Variants in NTM observed in about 807,000 individuals in gnomAD.
The protein encoded by NTM is IgLON family member 2.
A neutral mutation model predicts 42.1 loss-of-function variants in NTM; 13 were observed. The ratio of observed to expected loss-of-function variants is 0.31; its 90% CI spans 0.20 to 0.49. NTM has a LOEUF of 0.49. NTM is among the 20% of genes least tolerant of loss of function. NTM has a pLI of 0.99. For synonymous variants in NTM, 187 were observed against 179.2 expected, an observed-to-expected ratio of 1.04 and a Z score of -0.35; for missense variants, 373 against 452.8, an observed-to-expected ratio of 0.82 and a Z score of 1.60.
At chr11:132,004,634 T>TCTCTCA (rs1296009968) in intron 2 of NTM, among the ~76,000 whole-genome samples, 162 of 104,630 alleles carry the variant, frequency 1.5e-3, no homozygotes, top group Middle Eastern at 5.6e-3. Context: ...TCTCTCTCTC[T>TCTCTCA]CACACACACA....
chr11:131,789,487 GAAGAGGAAA>G (rs1565550778), intron 1 of NTM, among the ~76,000 whole-genome samples: 23 of 8,490 alleles, frequency 2.7e-3, no homozygotes, highest in East Asian at 7.7e-3. Context: ...AGAAGAAGAA[GAAGAGGAAA>G]GAAGAAGAAG....
intron 1 of NTM, among the ~76,000 whole-genome samples, chr11:131,730,216 C>T (rs975336430): frequency 6.6e-6 from 1 of 152,246 alleles, no homozygotes; most frequent in South Asian, 2.1e-4. Context: ...CATATGCTTA[C>T]CAGCCATTTG....
intron 2 of NTM, among the ~76,000 whole-genome samples, chr11:132,114,724 A>C (rs1436759740): frequency 6.6e-6 from 1 of 152,212 alleles, no homozygotes; most frequent in African/African-American, 2.4e-5. Context: ...TAGCCTCTTT[A>C]AGATGAGGAA....
At chr11:131,555,272 A>T (rs1386364397) in intron 1 of NTM, among the ~76,000 whole-genome samples, 1 of 152,246 alleles carries the variant, frequency 6.6e-6, no homozygotes, top group African/African-American at 2.4e-5. Flanking sequence ...CTGTGGCAAG[A>T]TATATTTATA....
intron 1 of NTM, among the ~76,000 whole-genome samples, chr11:131,651,972 A>G (rs1043311755): frequency 6.6e-6 from 1 of 152,134 alleles, no homozygotes; most frequent in African/African-American, 2.4e-5. Context: ...ACAGGCCCAA[A>G]CAGCCTGAGG....
chr11:131,899,263 G>T (rs1198273913), intron 1 of NTM, among the ~76,000 whole-genome samples: 7 of 152,278 alleles, frequency 4.6e-5, no homozygotes, highest in African/African-American at 1.4e-4. Flanking sequence ...AAACAGCCAA[G>T]CATGTGAAGG....
intron 3 of NTM, among the ~76,000 whole-genome samples, chr11:132,162,746 T>G (rs2074591383): frequency 7.8e-6 from 1 of 128,404 alleles, no homozygotes; most frequent in East Asian, 2.2e-4. Context: ...AGTGTGTGTA[T>G]GTGTTTGTGT....
intron 1 of NTM, among the ~76,000 whole-genome samples, chr11:131,825,351 T>C (rs1198716387): frequency 1.3e-5 from 2 of 150,416 alleles, no homozygotes; most frequent in Non-Finnish European, 2.9e-5. Context: ...TCTGAGATAT[T>C]AGGGGTTAGG....
chr11:132,286,460 C>T (rs1217164267), intron 4 of NTM, among the ~76,000 whole-genome samples: 3 of 152,136 alleles, frequency 2.0e-5, no homozygotes, highest in Non-Finnish European at 4.4e-5. Context: ...AACACAGAAG[C>T]ACCATTTAGG....
chr11:131,892,520 GC>G (rs1174265122), intron 1 of NTM, among the ~76,000 whole-genome samples: 1 of 152,198 alleles, frequency 6.6e-6, no homozygotes, highest in Non-Finnish European at 1.5e-5. Context: ...GCAGTGCTTT[GC>G]CCCCTACTTT....
chr11:131,716,615 C>T (rs1330284368), intron 1 of NTM, among the ~76,000 whole-genome samples: 2 of 152,150 alleles, frequency 1.3e-5, no homozygotes, highest in African/African-American at 4.8e-5. Flanking sequence ...TGATAATATT[C>T]AGCACCTCTT....
At chr11:131,463,316 C>A (rs1006873826) in intron 1 of NTM, among the ~76,000 whole-genome samples, 11 of 152,218 alleles carry the variant, frequency 7.2e-5, no homozygotes, top group Admixed American at 5.9e-4. Flanking sequence ...GGGGCACGTG[C>A]ATCACCAGGA....
intron 1 of NTM, among the ~76,000 whole-genome samples, chr11:131,672,254 AGCACAG>A (rs1392963658): frequency 6.6e-6 from 1 of 152,202 alleles, no homozygotes; most frequent in Non-Finnish European, 1.5e-5. Context: ...CTCAAAGCAT[AGCACAG>A]GCCCGAATGC....
chr11:131,712,168 A>G (rs971429580), intron 1 of NTM, among the ~76,000 whole-genome samples: 28 of 142,002 alleles, frequency 2.0e-4, no homozygotes, highest in Non-Finnish European at 3.8e-4. Flanking sequence ...TAAAAATTAA[A>G]AAATTAAAAA....
chr11:131,905,117 A>T (rs1476306292), intron 1 of NTM, among the ~76,000 whole-genome samples: 1 of 152,034 alleles, frequency 6.6e-6, no homozygotes, highest in East Asian at 1.9e-4. Flanking sequence ...CCTGTGCTAA[A>T]CTCTTTGCAG....
chr11:131,620,788 T>C (rs2062447746), intron 1 of NTM, among the ~76,000 whole-genome samples: 1 of 152,244 alleles, frequency 6.6e-6, no homozygotes, highest in Non-Finnish European at 1.5e-5. Context: ...AGATCACATA[T>C]CTGCTTGTTA....
intron 1 of NTM, among the ~76,000 whole-genome samples, chr11:131,822,313 C>G (rs2093222999): frequency 6.6e-6 from 1 of 152,140 alleles, no homozygotes; most frequent in South Asian, 2.1e-4. Context: ...CTGCTTGTCC[C>G]CAAAGACTCT....
At chr11:131,933,881 TGGG>T (rs902300074) in intron 2 of NTM, among the ~76,000 whole-genome samples, 1 of 151,652 alleles carries the variant, frequency 6.6e-6, no homozygotes, top group Non-Finnish European at 1.5e-5. Context: ...TCTTTTTTTC[TGGG>T]GGGGGATGTT....
chr11:131,461,457 G>C (rs113126569), intron 1 of NTM, among the ~76,000 whole-genome samples: 6 of 152,174 alleles, frequency 3.9e-5, no homozygotes, highest in Non-Finnish European at 8.8e-5. Context: ...ATGACATTAA[G>C]AGATGGGAGA....
Sources: gnomAD v4.1 joint callset for allele counts (sites outside exome capture counted in the v4.1 genomes callset) on GRCh38, gnomAD v4.1.1 for gene constraint, MANE v1.5 for transcripts, NCBI Gene and HGNC (gene_info 2026-07-23, HGNC 2026-07-21) for gene names.